The following SYP variants were observed in gnomAD, a reference collection of about 807,000 sequenced individuals.
SYP encodes the protein major synaptic vesicle protein P38.
Under a neutral mutation model 24.3 loss-of-function variants are expected in SYP, and 2 were observed. The observed-to-expected ratio is 0.08, with a 90% CI of 0.03 to 0.26. The LOEUF (loss-of-function observed/expected upper bound fraction) is 0.26, where lower values mean the gene tolerates loss of function less well. SYP is among the 10% of genes least tolerant of loss of function. The probability of loss-of-function intolerance (pLI) is 1.00; values close to 1 mark genes in which losing one functional copy is unlikely to be tolerated. For missense variants in SYP, 216 were observed against 266.3 expected (o/e 0.81, Z 1.32); for synonymous variants, 143 against 123.2 (o/e 1.16, Z -1.07).
intron 3 of SYP, among the ~76,000 whole-genome samples, chrX:49,195,445 C>T (rs2065525544): frequency 9.0e-6 from 1 of 110,748 alleles, no homozygotes; most frequent in Non-Finnish European, 1.9e-5. Context: ...TTTTCTCCCC[C>T]ACCCCAGTTC....
chrX:49,189,595 A>C (rs1443540717), intron 6 of SYP, among the ~76,000 whole-genome samples: 1 of 111,168 alleles, frequency 9.0e-6, no homozygotes, highest in Admixed American at 9.7e-5. Flanking sequence ...ACTGAAGCAG[A>C]GATAGACTTC....
chrX:49,197,624 G>A, intron 3 of SYP, 91 bp downstream of exon 3: 1 of 1,135,038 alleles, frequency 8.8e-7, no homozygotes, highest in Non-Finnish European at 1.2e-6. Context: ...GTGGGAGCTG[G>A]GCAGGAGCTA....
chrX:49,199,804 T>C (rs1272942499), intron 1 of SYP, among the ~76,000 whole-genome samples: 2 of 106,222 alleles, frequency 1.9e-5, no homozygotes, highest in African/African-American at 6.9e-5. Flanking sequence ...TCCTAGCTTA[T>C]CCGCAGCACC....
At position 49,197,821 on chromosome X, in the gene SYP, A is replaced by T. The variant is rs1557103508; in HGVS notation, c.121T>A (p.Phe41Ile). 8.3e-7 allele frequency: 1 copy of T among 1,209,829 alleles called. No individual in the cohort carries two copies. Among genetic ancestry groups the T allele is most frequent in the East Asian group, 3.0e-5 (1 of 33,791 alleles). ...CCACTGTAGCTGCCGCATGTGGCAA[A>T]GGCGAAGATGGCGAAGACCTTGGGC... Reference protein sequence around the residue: ...VLQWVFAIFAFATCGSYSGEL... With the variant: ...VLQWVFAIFAIATCGSYSGEL... The change falls in exon 3 of 7, where the codon TTT becomes ATT. Residue 41 changes from phenylalanine to isoleucine, a missense_variant. Coordinates refer to ENST00000263233, the MANE Select transcript of SYP (RefSeq NM_003179.3).
In SYP at chrX:49,200,182, A is replaced by T. The variant is rs200470034; in HGVS notation, c.5T>A (p.Leu2Gln). The T allele has an allele frequency of 1.8e-4, 213 of 1,163,881 alleles. No individual in the cohort carries two copies. The highest frequency in any genetic ancestry group is 2.3e-4 in the Non-Finnish European group (203 of 871,517). The change falls in exon 1 of 7, where the codon CTG becomes CAG. Residue 2 changes from leucine to glutamine, a missense_variant. Physicochemically the swap from Leu to Gln is moderately radical, Grantham distance 113. Coordinates refer to ENST00000263233, the MANE Select transcript of SYP (RefSeq NM_003179.3). ...CACCACGTCCATGTCCGCCAGCAGCAGCATCAGCAATGCAGGGGGCGGGAG... is the reference window on the plus strand; with the variant it reads ...CACCACGTCCATGTCCGCCAGCAGCTGCATCAGCAATGCAGGGGGCGGGAG... M[L>Q]LLADMDVVNQ...
At chrX:49,197,482 C>T in intron 3 of SYP, 2 of 451,380 alleles carry the variant, frequency 4.4e-6, no homozygotes, top group Admixed American at 7.9e-5. Flanking sequence ...TTGCCTGTCC[C>T]TTACCCCTTC....
chrX:49,193,973 C>T (rs1602611402), intron 4 of SYP, among the ~76,000 whole-genome samples, 193 bp downstream of exon 4: 1 of 110,530 alleles, frequency 9.0e-6, no homozygotes, highest in East Asian at 2.9e-4. Context: ...GGCTGTATGT[C>T]TCCGTGACTC....
At chrX:49,198,885 C>A in intron 2 of SYP, 83 bp downstream of exon 2, 1 of 1,089,074 alleles carries the variant, frequency 9.2e-7, no homozygotes, top group Non-Finnish European at 1.3e-6. Flanking sequence ...TGGCTACTCG[C>A]CCCTACTCCA....
chrX:49,199,701 G>C (rs1301246599), intron 1 of SYP, among the ~76,000 whole-genome samples: 1 of 109,100 alleles, frequency 9.2e-6, no homozygotes, highest in Middle Eastern at 4.3e-3. Flanking sequence ...TGGGGGAAGG[G>C]GTGGTCGCCT....
Position 49,194,221 on chromosome X carries a change from G to C in SYP, c.368C>G (p.Ala123Gly). 8.3e-7 allele frequency: 1 copy of C among 1,211,710 alleles called. No individual in the cohort carries two copies. The highest frequency in any genetic ancestry group is 1.8e-5 in the South Asian group (1 of 56,968). Reference sequence around the variant, plus strand: ...CTTGTTCTGCAGGAAGATGTAGGTGGCCAGAGCCCCCATGGAGTAGAGGAA... The same window carrying C: ...CTTGTTCTGCAGGAAGATGTAGGTGCCCAGAGCCCCCATGGAGTAGAGGAA... ...FAFLYSMGALATYIFLQNKYR... is the reference protein window; with the variant it reads ...FAFLYSMGALGTYIFLQNKYR... The change falls in exon 4 of 7, where the codon GCC becomes GGC. Residue 123 changes from alanine to glycine, a missense_variant. This residue lies in a region of SYP where 102 missense variants were observed against 158.4 expected (regional missense o/e 0.64). Coordinates refer to ENST00000263233, the MANE Select transcript of SYP (RefSeq NM_003179.3).
intron 3 of SYP, chrX:49,197,405 A>C: frequency 3.4e-6 from 1 of 296,813 alleles, no homozygotes; most frequent in Non-Finnish European, 6.0e-6. Context: ...ATATTGGCTA[A>C]CATTAATTGG....
chrX:49,197,859 G>T lies in SYP; in HGVS notation c.103-20C>A, dbSNP rs782594372. The T allele has an allele frequency of 8.3e-7, 1 of 1,208,670 alleles. No individual in the cohort carries two copies. The highest frequency in any genetic ancestry group is 1.8e-5 in the South Asian group (1 of 56,231). ...GAAGACCTTGGGCAGCAGGGATGGG[G>T]ATGGCCACAGTGAACCTGTGTGCAT... is the stretch of plus-strand genomic sequence containing the variant. On this transcript the variant is annotated intron_variant, in intron 2 of 6. Transcript: ENST00000263233.
intron 5 of SYP, among the ~76,000 whole-genome samples, chrX:49,192,745 C>G (rs1046240610): frequency 7.1e-5 from 8 of 111,966 alleles, no homozygotes; most frequent in Non-Finnish European, 1.9e-5. Context: ...TACCTTGTGC[C>G]AGGCCCTTTT....
At chrX:49,196,011 T>G in intron 3 of SYP, among the ~76,000 whole-genome samples, 1 of 110,512 alleles carries the variant, frequency 9.0e-6, no homozygotes, top group Non-Finnish European at 1.9e-5. Context: ...GAATGAGAGG[T>G]CCTTGGGTAT....
At chrX:49,193,215 C>T in intron 5 of SYP, 57 bp downstream of exon 5, 1 of 1,171,970 alleles carries the variant, frequency 8.5e-7, no homozygotes. Context: ...CACCACTCCC[C>T]ATGCCGGACT....
intron 3 of SYP, among the ~76,000 whole-genome samples, chrX:49,196,330 C>G (rs1158646218): frequency 9.0e-6 from 1 of 111,647 alleles, no homozygotes; most frequent in Non-Finnish European, 1.9e-5. Context: ...CATCATTGCT[C>G]AGGGCCTGTG....
chrX:49,199,393 T>G (rs1602614218), intron 1 of SYP, among the ~76,000 whole-genome samples: 1 of 92,104 alleles, frequency 1.1e-5, no homozygotes, highest in Non-Finnish European at 2.1e-5. Flanking sequence ...GTTGTGATGG[T>G]GAAGGTGAGT....
At chrX:49,198,923 C>T in intron 2 of SYP, 45 bp downstream of exon 2, 1 of 1,197,636 alleles carries the variant, frequency 8.3e-7, no homozygotes, top group Non-Finnish European at 1.1e-6. Flanking sequence ...CCCATGACCT[C>T]CCTCTCTCCC....
Position 49,189,222 on chromosome X carries a change from A to C in SYP, c.*65T>G, listed in dbSNP as rs1196626098. On this transcript the variant is annotated 3_prime_UTR_variant, in exon 7 of 7. Transcript: ENST00000263233. ...TGGAGACCTAGGGTATAGGGGTGGG[A>C]AGGGGGGCAGGCCTTCTCCTGAGCT... 1 of 108,842 alleles carries C rather than the reference A, an allele frequency of 9.2e-6. No individual in the cohort carries two copies. Among genetic ancestry groups the C allele is most frequent in the East Asian group, 2.9e-4 (1 of 3,486 alleles). The allele number at this position is 108,842 out of a possible 1,213,427, so 9.0% of individuals were successfully genotyped here.
Sources: allele counts gnomAD v4.1 joint callset (sites outside exome capture counted in the v4.1 genomes callset), GRCh38; gene constraint gnomAD v4.1.1; regional missense constraint gnomAD v4.1.1; transcripts MANE v1.5; gene names NCBI Gene and HGNC (gene_info 2026-07-23, HGNC 2026-07-21).